SLC14A2: variants seen among roughly 807,000 people sequenced by gnomAD.
SLC14A2 encodes the protein solute carrier family 14 member 2.
In SLC14A2, 91 loss-of-function variants were observed where a neutral mutation model predicts 104.6. That is an observed-to-expected ratio of 0.87 (90% CI 0.73 to 1.04). The LOEUF (loss-of-function observed/expected upper bound fraction) is 1.04, where lower values mean the gene tolerates loss of function less well. Among genes scored for constraint, SLC14A2 ranks in the 50% least tolerant of loss-of-function variants. The pLI is 0.00. For missense variants in SLC14A2, 1,189 were observed against 1,156.0 expected, an observed-to-expected ratio of 1.03 and a Z score of -0.41; for synonymous variants, 476 against 466.4, an observed-to-expected ratio of 1.02 and a Z score of -0.27.
intron 1 of SLC14A2, among the ~76,000 whole-genome samples, chr18:45,387,155 C>G (rs1376601310): frequency 6.6e-6 from 1 of 152,210 alleles, no homozygotes; most frequent in Non-Finnish European, 1.5e-5. Context: ...TGCTGTATCT[C>G]CCTTACAACT....
At position 45,662,042 on chromosome 18, in the gene SLC14A2, C is replaced by T. The variant is rs7230716; in HGVS notation, c.1352-1743C>T. Among the ~76,000 whole-genome samples, 1,351 of 152,294 alleles carry T rather than the reference C, an allele frequency of 8.9e-3. 19 individuals carry two copies. Among genetic ancestry groups the T allele is most frequent in the African/African-American group, 0.031 (1,286 of 41,568 alleles). On this transcript the variant is annotated intron_variant, in intron 10 of 19. Transcript: ENST00000255226. ...AGACAAGGCTGGGCGCTGTAGCTCA[C>T]GCCTGTACTCCCAGCACTTTGGGAA...
intron 1 of SLC14A2, among the ~76,000 whole-genome samples, chr18:45,348,643 T>C (rs1332303530): frequency 6.6e-6 from 1 of 152,240 alleles, no homozygotes; most frequent in Non-Finnish European, 1.5e-5. Context: ...AATGCAATCA[T>C]TTGCAGTTCC....
the SLC14A2 span, among the ~76,000 whole-genome samples, chr18:45,178,421 A>G: frequency 3.9e-5 from 6 of 152,266 alleles, no homozygotes; most frequent in Non-Finnish European, 7.4e-5. Flanking sequence ...GAATAAAAGC[A>G]CACGTTATTG....
chr18:45,479,018 C>T (rs539475092), intron 1 of SLC14A2, among the ~76,000 whole-genome samples: 53 of 152,304 alleles, frequency 3.5e-4, no homozygotes, highest in Admixed American at 2.0e-3. Context: ...CTGTGCTCTG[C>T]GAGCTTTGCT....
chr18:45,183,281 C>T, the SLC14A2 span, among the ~76,000 whole-genome samples: 1 of 152,294 alleles, frequency 6.6e-6, no homozygotes, highest in Non-Finnish European at 1.5e-5. Flanking sequence ...AGGCTGATAA[C>T]ACCTCTTGGG....
At chr18:45,628,000 C>CA (rs58009345) in intron 4 of SLC14A2, among the ~76,000 whole-genome samples, 3,795 of 83,044 alleles carry the variant, frequency 0.046, 139 homozygotes, top group African/African-American at 0.11. Context: ...AAGACTTTCT[C>CA]AAAAAAAAAA....
At chr18:45,419,986 T>G (rs2086324244) in intron 1 of SLC14A2, among the ~76,000 whole-genome samples, 1 of 152,288 alleles carries the variant, frequency 6.6e-6, no homozygotes, top group South Asian at 2.1e-4. Flanking sequence ...TATAATGGCT[T>G]AAAACAACAA....
intron 10 of SLC14A2, among the ~76,000 whole-genome samples, chr18:45,659,989 C>A (rs2045910974): frequency 6.6e-6 from 1 of 151,464 alleles, no homozygotes; most frequent in Non-Finnish European, 1.5e-5. Flanking sequence ...AAAGAAAAGC[C>A]ATGCATGGTG....
chr18:45,605,468 A>T (rs1001403258), intron 2 of SLC14A2, among the ~76,000 whole-genome samples: 1 of 152,112 alleles, frequency 6.6e-6, no homozygotes, highest in Admixed American at 6.6e-5. Context: ...GGGCACAAAG[A>T]AGCATTAAAG....
chr18:45,555,451 A>C (rs1202545123), intron 2 of SLC14A2, among the ~76,000 whole-genome samples: 3 of 152,230 alleles, frequency 2.0e-5, no homozygotes, highest in African/African-American at 7.2e-5. Flanking sequence ...ATAAGTCAAA[A>C]ATATAAGTTG....
At chr18:45,461,766 A>G (rs1024967089) in intron 1 of SLC14A2, among the ~76,000 whole-genome samples, 4 of 152,222 alleles carry the variant, frequency 2.6e-5, no homozygotes, top group Non-Finnish European at 5.9e-5. Context: ...ATAATCATAT[A>G]TTTGGGTTAA....
At chr18:45,224,952 T>C (rs1324201396) in intron 1 of SLC14A2, among the ~76,000 whole-genome samples, 1 of 152,196 alleles carries the variant, frequency 6.6e-6, no homozygotes. Flanking sequence ...GCCTATTCAC[T>C]CTGATGGTAG....
At chr18:45,466,459 A>T (rs1490601090) in intron 1 of SLC14A2, among the ~76,000 whole-genome samples, 2 of 151,312 alleles carry the variant, frequency 1.3e-5, no homozygotes, top group East Asian at 3.9e-4. Context: ...AGCATGTGAG[A>T]TTCTTTCTGA....
chr18:45,354,697 G>A (rs1178773324), intron 1 of SLC14A2, among the ~76,000 whole-genome samples: 1 of 152,174 alleles, frequency 6.6e-6, no homozygotes, highest in Non-Finnish European at 1.5e-5. Flanking sequence ...TGTGGAAATG[G>A]CCAGATGAGG....
In SLC14A2 at chr18:45,374,255, TAAAC is replaced by T. The variant is rs1237196624; in HGVS notation, c.-124-108975_-124-108972del. ...AAGTCACCCTTGTGCAGTTTGCAAATAAACAACTCTCCTGGAAGAAAGAACAAAT... is the reference window on the plus strand; with the variant it reads ...AAGTCACCCTTGTGCAGTTTGCAAATAACTCTCCTGGAAGAAAGAACAAAT... On this transcript the variant is annotated intron_variant, in intron 1 of 20. Transcript: ENST00000586448. Among the ~76,000 whole-genome samples, 3 of 152,296 alleles carry T rather than the reference TAAAC, an allele frequency of 2.0e-5. No individual in the cohort carries two copies. In the East Asian group the frequency reaches 5.8e-4, roughly 29 times the overall value.
the SLC14A2 span, among the ~76,000 whole-genome samples, chr18:45,192,646 TG>T: frequency 3.9e-3 from 576 of 147,718 alleles, 5 homozygotes; most frequent in African/African-American, 0.014. Context: ...GGTTTTTTTT[TG>T]TTTTGTTTTG....
At position 45,458,120 on chromosome 18, in the gene SLC14A2, T is replaced by G. The variant is rs534791586; in HGVS notation, c.-124-25113T>G. Among the ~76,000 whole-genome samples, 39 of 152,276 alleles carry G rather than the reference T, an allele frequency of 2.6e-4. 1 individual carries two copies. In the South Asian group the frequency reaches 8.1e-3, roughly 32 times the overall value. ...TTCAGGCCTCATCCCTGAAGGGAGATAGACAGAGAAGAAATGCCTGCCCAA... is the reference window on the plus strand; with the variant it reads ...TTCAGGCCTCATCCCTGAAGGGAGAGAGACAGAGAAGAAATGCCTGCCCAA... On this transcript the variant is annotated intron_variant, in intron 1 of 20. Coordinates refer to the SLC14A2 transcript ENST00000586448.
chr18:45,454,045 A>G (rs2086901101), intron 1 of SLC14A2, among the ~76,000 whole-genome samples: 1 of 151,694 alleles, frequency 6.6e-6, no homozygotes, highest in South Asian at 2.1e-4. Flanking sequence ...TTTTTAGTAG[A>G]GACAGGGTTT....
At chr18:45,241,321 A>G (rs1438063463) in intron 1 of SLC14A2, among the ~76,000 whole-genome samples, 1 of 152,220 alleles carries the variant, frequency 6.6e-6, no homozygotes, top group Non-Finnish European at 1.5e-5. Flanking sequence ...GTCTCTGCTG[A>G]GGACAGGAAG....
Sources: gnomAD v4.1 joint callset for allele counts (sites outside exome capture counted in the v4.1 genomes callset) on GRCh38, gnomAD v4.1.1 for gene constraint, MANE v1.5 for transcripts, NCBI Gene and HGNC (gene_info 2026-07-23, HGNC 2026-07-21) for gene names.